RPS6KC1: variants seen among roughly 807,000 people sequenced by gnomAD.
RPS6KC1 encodes the protein inactive ribosomal protein S6 kinase delta-1.
Under a neutral mutation model 103.8 loss-of-function variants are expected in RPS6KC1, and 54 were observed. The observed-to-expected ratio is 0.52, with a 90% CI of 0.42 to 0.65. The LOEUF (loss-of-function observed/expected upper bound fraction) is 0.65, where lower values mean the gene tolerates loss of function less well. RPS6KC1 is among the 30% of genes least tolerant of loss of function. RPS6KC1 has a pLI of 0.00. For synonymous variants in RPS6KC1, 439 were observed against 438.7 expected, an observed-to-expected ratio of 1.00 and a Z score of -0.01; for missense variants, 1,151 against 1,253.8, an observed-to-expected ratio of 0.92 and a Z score of 1.24.
chr1:213,370,496 C>T, the RPS6KC1 span, among the ~76,000 whole-genome samples: 1 of 151,934 alleles, frequency 6.6e-6, no homozygotes, highest in Admixed American at 6.6e-5. Flanking sequence ...CTGAGAGCCC[C>T]CAGTTTCATG....
chr1:213,179,300 A>C (rs2092103997), intron 8 of RPS6KC1, among the ~76,000 whole-genome samples: 1 of 151,938 alleles, frequency 6.6e-6, no homozygotes, highest in Admixed American at 6.6e-5. Context: ...CTGTAATCCC[A>C]GCTACTCGGG....
At chr1:213,134,548 T>C (rs2086037937) in intron 6 of RPS6KC1, among the ~76,000 whole-genome samples, 1 of 152,136 alleles carries the variant, frequency 6.6e-6, no homozygotes, top group Non-Finnish European at 1.5e-5. Flanking sequence ...AATGGTATAA[T>C]AAGCAGTACC....
chr1:213,062,441 T>G lies in RPS6KC1; in HGVS notation c.106-8565T>G, dbSNP rs531762554. Among the ~76,000 whole-genome samples the G allele has an allele frequency of 3.3e-5, 5 of 152,338 alleles. No homozygotes were observed. The South Asian group carries it at 1.0e-3, about 32-fold the overall frequency. ...CTCATGCATTTTGGAAAAAGGATATTCCACCTGTAGCTACTCTTTGTTAAT... is the reference window on the plus strand; with the variant it reads ...CTCATGCATTTTGGAAAAAGGATATGCCACCTGTAGCTACTCTTTGTTAAT... On this transcript the variant is annotated intron_variant, in intron 1 of 14. Transcript: ENST00000366960.
At chr1:213,846,286 C>T in the RPS6KC1 span, among the ~76,000 whole-genome samples, 5 of 151,360 alleles carry the variant, frequency 3.3e-5, no homozygotes, top group Admixed American at 6.6e-5. Context: ...GGTGACAGAG[C>T]GAGACTCCAT....
intron 6 of RPS6KC1, 65 bp downstream of exon 6, chr1:213,129,954 A>C (rs61733272): frequency 1.4e-6 from 2 of 1,425,228 alleles, no homozygotes; most frequent in African/African-American, 2.9e-5. Flanking sequence ...AAAAAAGTAC[A>C]TACATATATC....
chr1:213,721,433 A>T, the RPS6KC1 span, among the ~76,000 whole-genome samples: 1 of 152,152 alleles, frequency 6.6e-6, no homozygotes. Context: ...TTATAAGGGG[A>T]AACCCCTTTT....
chr1:213,408,587 C>G, the RPS6KC1 span, among the ~76,000 whole-genome samples: 1 of 152,266 alleles, frequency 6.6e-6, no homozygotes, highest in Non-Finnish European at 1.5e-5. Context: ...CTCAAGACTG[C>G]GGCACCAACT....
chr1:213,112,172 T>C lies in RPS6KC1; in HGVS notation c.379-5145T>C, dbSNP rs140741086. ...GGCTTGTAATTCTTTTGAGCTTTAT[T>C]ATTCTGTTAGTAGTGTTTGGAGGCA... On this transcript the variant is annotated intron_variant, in intron 4 of 14. Transcript: ENST00000366960. 4.2e-3 allele frequency among the ~76,000 whole-genome samples: 638 copies of C among 152,250 alleles called. 6 individuals carry two copies. Among genetic ancestry groups the C allele is most frequent in the Non-Finnish European group, 5.6e-3 (380 of 68,014 alleles).
the RPS6KC1 span, among the ~76,000 whole-genome samples, chr1:213,373,092 A>G: frequency 1.2e-4 from 19 of 152,220 alleles, no homozygotes; most frequent in Admixed American, 4.6e-4. Flanking sequence ...TTATCACAAT[A>G]TCTAATCCTC....
intron 10 of RPS6KC1, among the ~76,000 whole-genome samples, chr1:213,234,725 T>C (rs959097176): frequency 1.3e-5 from 2 of 152,158 alleles, no homozygotes; most frequent in Admixed American, 6.5e-5. Context: ...GGGAAACCAT[T>C]GGACTTCTTA....
chr1:213,226,449 C>T (rs2093965371), intron 8 of RPS6KC1, among the ~76,000 whole-genome samples: 1 of 152,128 alleles, frequency 6.6e-6, no homozygotes, highest in African/African-American at 2.4e-5. Flanking sequence ...CATTGTAACT[C>T]AAAGGGCAGC....
At chr1:213,821,160 A>T in the RPS6KC1 span, 2 of 152,512 alleles carry the variant, frequency 1.3e-5, no homozygotes, top group African/African-American at 4.8e-5. Flanking sequence ...TTACTCTGCT[A>T]TTCTCCATGA....
At chr1:213,629,819 A>G in the RPS6KC1 span, among the ~76,000 whole-genome samples, 2 of 151,988 alleles carry the variant, frequency 1.3e-5, no homozygotes, top group Non-Finnish European at 2.9e-5. Flanking sequence ...TCTGTAAAGG[A>G]TTTTATTTCT....
chr1:213,250,918 A>T (rs903764816), intron 12 of RPS6KC1, among the ~76,000 whole-genome samples: 1 of 152,166 alleles, frequency 6.6e-6, no homozygotes, highest in Non-Finnish European at 1.5e-5. Flanking sequence ...TTTTGATAAC[A>T]TTTAAAAAAT....
At chr1:213,691,506 T>C in the RPS6KC1 span, among the ~76,000 whole-genome samples, 5 of 152,188 alleles carry the variant, frequency 3.3e-5, no homozygotes, top group Admixed American at 1.3e-4. Flanking sequence ...AGATTCCATA[T>C]TTTAGAAACT....
At chr1:213,325,785 T>G in the RPS6KC1 span, among the ~76,000 whole-genome samples, 5 of 152,218 alleles carry the variant, frequency 3.3e-5, no homozygotes, top group African/African-American at 1.2e-4. Context: ...CAGGCATGTT[T>G]GTGTCCTGCT....
At chr1:213,695,403 G>T in the RPS6KC1 span, among the ~76,000 whole-genome samples, 2 of 152,164 alleles carry the variant, frequency 1.3e-5, no homozygotes, top group Non-Finnish European at 2.9e-5. Context: ...TGGAGGAGTG[G>T]TGGAGAGGTG....
chr1:213,746,894 A>G, the RPS6KC1 span, among the ~76,000 whole-genome samples: 4 of 152,308 alleles, frequency 2.6e-5, no homozygotes, highest in African/African-American at 9.6e-5. Context: ...GAAGATCTTG[A>G]GTTGAGTCTT....
the RPS6KC1 span, among the ~76,000 whole-genome samples, chr1:213,558,072 A>G: frequency 6.6e-6 from 1 of 152,212 alleles, no homozygotes; most frequent in South Asian, 2.1e-4. Flanking sequence ...GCACATATAC[A>G]TGCACACACA....
Sources: gnomAD v4.1 joint callset for allele counts (sites outside exome capture counted in the v4.1 genomes callset) on GRCh38, gnomAD v4.1.1 for gene constraint, MANE v1.5 for transcripts, NCBI Gene and HGNC (gene_info 2026-07-23, HGNC 2026-07-21) for gene names.